The following GPC5 variants were observed in gnomAD, a reference collection of about 807,000 sequenced individuals.
GPC5 encodes the protein glypican-5.
GPC5 carries 47 observed loss-of-function variants against 53.9 expected under a neutral mutation model. The ratio of observed to expected loss-of-function variants is 0.87; its 90% CI spans 0.69 to 1.11. The LOEUF (loss-of-function observed/expected upper bound fraction) is 1.11. Among genes scored for constraint, GPC5 ranks in the 50% most tolerant of loss-of-function variants. The probability of loss-of-function intolerance (pLI) is 0.00; values close to 1 mark genes in which losing one functional copy is unlikely to be tolerated. For missense variants in GPC5, 748 were observed against 713.1 expected (o/e 1.05, Z -0.56); for synonymous variants, 286 against 263.3 (o/e 1.09, Z -0.84).
At chr13:91,448,268 C>G (rs916729591) in intron 1 of GPC5, among the ~76,000 whole-genome samples, 10 of 152,190 alleles carry the variant, frequency 6.6e-5, no homozygotes. Context: ...CAGAGATAGC[C>G]TACTTCACAA....
chr13:91,907,678 T>A (rs2039568873), intron 5 of GPC5, among the ~76,000 whole-genome samples: 1 of 151,674 alleles, frequency 6.6e-6, no homozygotes, highest in Non-Finnish European at 1.5e-5. Flanking sequence ...TATTGTTAAG[T>A]AGTATCAAAA....
chr13:92,575,292 G>T (rs1255695869), intron 7 of GPC5, among the ~76,000 whole-genome samples: 2 of 152,282 alleles, frequency 1.3e-5, no homozygotes, highest in South Asian at 2.1e-4. Flanking sequence ...TGGACTTAGG[G>T]TCCTAATTCC....
intron 7 of GPC5, among the ~76,000 whole-genome samples, chr13:92,464,821 A>G (rs916670714): frequency 6.6e-6 from 1 of 151,962 alleles, no homozygotes; most frequent in Non-Finnish European, 1.5e-5. Flanking sequence ...TTCTTGCTCA[A>G]CATTATTAGA....
intron 7 of GPC5, among the ~76,000 whole-genome samples, chr13:92,170,304 G>C (rs1396470876): frequency 6.7e-6 from 1 of 149,940 alleles, no homozygotes; most frequent in Non-Finnish European, 1.5e-5. Flanking sequence ...TGATATTGCT[G>C]TATATTTTAA....
chr13:92,601,518 G>A (rs1884053496), intron 7 of GPC5, among the ~76,000 whole-genome samples: 1 of 129,854 alleles, frequency 7.7e-6, no homozygotes, highest in Non-Finnish European at 1.5e-5. Context: ...TCACACCACT[G>A]CACTCCAGCC....
intron 2 of GPC5, among the ~76,000 whole-genome samples, chr13:91,591,642 C>A (rs1200437120): frequency 2.0e-5 from 3 of 151,986 alleles, no homozygotes; most frequent in Admixed American, 2.0e-4. Flanking sequence ...TTTAAAATTC[C>A]TTTTTTCTGT....
intron 6 of GPC5, among the ~76,000 whole-genome samples, chr13:92,012,831 G>A (rs1488548366): frequency 3.3e-5 from 5 of 152,182 alleles, no homozygotes; most frequent in African/African-American, 9.7e-5. Context: ...TGTCAGACTC[G>A]TGATGGGGGT....
intron 2 of GPC5, among the ~76,000 whole-genome samples, chr13:91,457,834 A>G (rs1881666130): frequency 6.6e-6 from 1 of 152,092 alleles, no homozygotes; most frequent in African/African-American, 2.4e-5. Flanking sequence ...TGAAGGTGGT[A>G]GGAGGTCCAT....
intron 7 of GPC5, among the ~76,000 whole-genome samples, chr13:92,633,100 A>G (rs2139135899): frequency 6.6e-6 from 1 of 152,240 alleles, no homozygotes; most frequent in Admixed American, 6.5e-5. Flanking sequence ...CATGTTGGCC[A>G]GGCTGGTCAT....
intron 7 of GPC5, among the ~76,000 whole-genome samples, chr13:92,513,186 G>A (rs2780743): frequency 2.0e-5 from 3 of 151,916 alleles, no homozygotes; most frequent in Non-Finnish European, 4.4e-5. Context: ...TCAGCAGGCC[G>A]CCTTTTCCTG....
intron 7 of GPC5, among the ~76,000 whole-genome samples, chr13:92,326,842 AC>A (rs1229366969): frequency 2.6e-5 from 4 of 152,124 alleles, no homozygotes; most frequent in African/African-American, 9.7e-5. Context: ...CCCCAAGGAC[AC>A]CAGGTCATAC....
At chr13:92,685,545 T>TTTTTTTTTTTTTTTTA (rs1566363603) in intron 7 of GPC5, among the ~76,000 whole-genome samples, 1 of 14,996 alleles carries the variant, frequency 6.7e-5, no homozygotes, top group Admixed American at 1.0e-3. Context: ...ATTATGCTCA[T>TTTTTTTTTTTTTTTTA]TTTTTTTTTT....
At chr13:92,619,812 AG>A (rs1884813044) in intron 7 of GPC5, among the ~76,000 whole-genome samples, 1 of 152,058 alleles carries the variant, frequency 6.6e-6, no homozygotes, top group East Asian at 1.9e-4. Flanking sequence ...GAAAAGCAAA[AG>A]TTATACCAAA....
At chr13:91,840,884 C>A (rs1805567053) in intron 5 of GPC5, among the ~76,000 whole-genome samples, 1 of 151,680 alleles carries the variant, frequency 6.6e-6, no homozygotes, top group African/African-American at 2.4e-5. Flanking sequence ...GGTAACAGTA[C>A]AATGTGAGTC....
intron 7 of GPC5, among the ~76,000 whole-genome samples, chr13:92,283,523 A>G (rs1051182155): frequency 1.3e-5 from 2 of 152,246 alleles, no homozygotes; most frequent in Non-Finnish European, 1.5e-5. Context: ...GTAAAAGAAC[A>G]GAAATTATAA....
chr13:92,794,196 G>A (rs188203773), intron 7 of GPC5, among the ~76,000 whole-genome samples: 186 of 152,122 alleles, frequency 1.2e-3, no homozygotes, highest in African/African-American at 4.1e-3. Flanking sequence ...TTATCAAGTC[G>A]GTTTCATCCC....
chr13:91,963,042 T>C (rs1032067182), intron 6 of GPC5, among the ~76,000 whole-genome samples: 1 of 152,174 alleles, frequency 6.6e-6, no homozygotes, highest in Admixed American at 6.6e-5. Context: ...GTCAGCCCAC[T>C]TGAGTTTGAA....
chr13:91,525,550 T>C (rs1339087003), intron 2 of GPC5, among the ~76,000 whole-genome samples: 1 of 152,188 alleles, frequency 6.6e-6, no homozygotes, highest in African/African-American at 2.4e-5. Flanking sequence ...TTTTTACTTT[T>C]AATATACCAC....
chr13:92,669,106 T>A (rs1344235503), intron 7 of GPC5, among the ~76,000 whole-genome samples: 1 of 152,074 alleles, frequency 6.6e-6, no homozygotes, highest in Non-Finnish European at 1.5e-5. Context: ...GCTCAGTAAG[T>A]TTAATGTTCT....
Sources: allele counts gnomAD v4.1 joint callset (sites outside exome capture counted in the v4.1 genomes callset), GRCh38; gene constraint gnomAD v4.1.1; transcripts MANE v1.5; gene names NCBI Gene and HGNC (gene_info 2026-07-23, HGNC 2026-07-21).